EIF3D: variants seen among roughly 807,000 people sequenced by gnomAD.
The protein encoded by EIF3D is eIF3 p66.
EIF3D carries 10 observed loss-of-function variants against 75.4 expected under a neutral mutation model. That is an observed-to-expected ratio of 0.13 (90% CI 0.08 to 0.22). The LOEUF is 0.22. Among genes scored for constraint, EIF3D ranks in the 10% least tolerant of loss-of-function variants. EIF3D has a pLI of 1.00. For synonymous variants in EIF3D, 246 were observed against 248.3 expected, an observed-to-expected ratio of 0.99 and a Z score of 0.09; for missense variants, 394 against 708.0, an observed-to-expected ratio of 0.56 and a Z score of 5.03.
chr22:36,521,201 A>G (rs1035162237), intron 6 of EIF3D, among the ~76,000 whole-genome samples: 2 of 152,178 alleles, frequency 1.3e-5, no homozygotes, highest in African/African-American at 4.8e-5. Flanking sequence ...CTGCGTCTCA[A>G]TAAAAGAGAG....
chr22:36,523,795 A>T, intron 5 of EIF3D, 100 bp downstream of exon 5: 1 of 1,099,710 alleles, frequency 9.1e-7, no homozygotes, highest in East Asian at 2.4e-5. Context: ...CCTTTTTTGC[A>T]GTGGTGGGGA....
chr22:36,524,771 C>T, intron 3 of EIF3D, 39 bp from the exon 4 acceptor site: 1 of 1,613,836 alleles, frequency 6.2e-7, no homozygotes. Context: ...ACTGCACCCA[C>T]AGACTTTACC....
chr22:36,510,863 A>G lies in EIF3D; in HGVS notation c.*124T>C, dbSNP rs970090833. 6 of 1,185,124 alleles carry G rather than the reference A, an allele frequency of 5.1e-6. No homozygotes were observed. The highest frequency in any genetic ancestry group is 2.8e-5 in the Admixed American group (1 of 35,486). The allele number at this position is 1,185,124 out of a possible 1,614,324, so 73.4% of individuals were successfully genotyped here. On this transcript the variant is annotated 3_prime_UTR_variant, in exon 15 of 15. Coordinates refer to ENST00000216190, the MANE Select transcript of EIF3D (RefSeq NM_003753.4). Reference sequence around the variant, plus strand: ...GCAGGCAGACGATGAGGGAAAGACTAAACAGATATATATTTTATTTCATCT... The same window carrying G: ...GCAGGCAGACGATGAGGGAAAGACTGAACAGATATATATTTTATTTCATCT...
At chr22:36,512,824 C>T (rs1176351512) in intron 12 of EIF3D, 6 of 523,414 alleles carry the variant, frequency 1.1e-5, no homozygotes, top group Non-Finnish European at 2.0e-5. Flanking sequence ...TCTAAAAGCT[C>T]GCCTAGACAG....
At chr22:36,526,221 G>A (rs1934596451) in intron 1 of EIF3D, 90 bp from the exon 2 acceptor site, 2 of 1,367,082 alleles carry the variant, frequency 1.5e-6, no homozygotes, top group South Asian at 1.8e-5. Flanking sequence ...AGACATAAAT[G>A]ATAGAACTCA....
chr22:36,520,968 G>C (rs1569000428), intron 6 of EIF3D, among the ~76,000 whole-genome samples: 1 of 152,240 alleles, frequency 6.6e-6, no homozygotes, highest in East Asian at 1.9e-4. Flanking sequence ...GGGAGGCCAA[G>C]GCGGGCAGAT....
intron 2 of EIF3D, 35 bp downstream of exon 2, chr22:36,525,964 T>A (rs966335725): frequency 6.3e-7 from 1 of 1,574,972 alleles, no homozygotes. Flanking sequence ...CAGCCACAGC[T>A]GCAAAGATTC....
chr22:36,514,449 G>C (rs1421785955), intron 12 of EIF3D, among the ~76,000 whole-genome samples: 1 of 152,164 alleles, frequency 6.6e-6, no homozygotes, highest in East Asian at 1.9e-4. Flanking sequence ...CAGATGTAAG[G>C]CCGCAAATCA....
At chr22:36,512,752 T>C (rs2145868421) in intron 12 of EIF3D, 150 bp from the exon 13 acceptor site, 1 of 877,170 alleles carries the variant, frequency 1.1e-6, no homozygotes, top group East Asian at 2.7e-5. Flanking sequence ...GACAAAGACA[T>C]AGTCCCTTCC....
intron 9 of EIF3D, 107 bp from the exon 10 acceptor site, chr22:36,517,538 A>C: frequency 7.5e-7 from 1 of 1,338,464 alleles, no homozygotes; most frequent in Non-Finnish European, 9.8e-7. Flanking sequence ...TCCTTCCTTC[A>C]AAGAACTGCC....
At chr22:36,521,907 C>T (rs948305327) in intron 6 of EIF3D, among the ~76,000 whole-genome samples, 8 of 151,860 alleles carry the variant, frequency 5.3e-5, no homozygotes, top group Non-Finnish European at 8.8e-5. Flanking sequence ...ACTGGCACTG[C>T]AGCTTGGGTG....
In EIF3D at chr22:36,510,959, G is replaced by A; in HGVS notation, c.*28C>T. The A allele has an allele frequency of 6.3e-7, 1 of 1,597,984 alleles. No individual in the cohort carries two copies. ...AAAGGCCCTCGTAGTCTCGGTGGAA[G>A]GACAAACTCCAGCTCCACATCACTG... On this transcript the variant is annotated 3_prime_UTR_variant, in exon 15 of 15. Transcript: ENST00000216190.
At chr22:36,524,511 T>G in intron 4 of EIF3D, 85 bp downstream of exon 4, 8 of 1,578,968 alleles carry the variant, frequency 5.1e-6, no homozygotes, top group South Asian at 4.5e-5. Flanking sequence ...CCTCTCTCAT[T>G]AGGAGTCACA....
At chr22:36,526,533 CTTGT>C (rs1934604169) in intron 1 of EIF3D, among the ~76,000 whole-genome samples, 1 of 151,868 alleles carries the variant, frequency 6.6e-6, no homozygotes, top group South Asian at 2.1e-4. Flanking sequence ...ATATAGTAAC[CTTGT>C]TTTGGTTCTG....
intron 13 of EIF3D, 54 bp downstream of exon 13, chr22:36,512,406 C>T: frequency 1.9e-6 from 3 of 1,607,694 alleles, no homozygotes; most frequent in East Asian, 2.2e-5. Flanking sequence ...AACCTCCCTA[C>T]CCAGACCCTT....
At chr22:36,517,487 C>T (rs767817805) in intron 9 of EIF3D, 56 bp from the exon 10 acceptor site, 64 of 1,556,194 alleles carry the variant, frequency 4.1e-5, no homozygotes, top group Admixed American at 6.1e-5. Flanking sequence ...TGACAATGTG[C>T]GCAGCGCTGT....
chr22:36,512,213 A>G (rs552835858), intron 13 of EIF3D, among the ~76,000 whole-genome samples: 8 of 152,272 alleles, frequency 5.3e-5, no homozygotes, highest in Admixed American at 2.0e-4. Flanking sequence ...TTCAAGGGAA[A>G]GGGAAAACAT....
At chr22:36,519,630 T>A in intron 7 of EIF3D, 93 bp from the exon 8 acceptor site, 1 of 1,555,022 alleles carries the variant, frequency 6.4e-7, no homozygotes, top group Non-Finnish European at 8.7e-7. Flanking sequence ...TATCCAAAAG[T>A]CTAAAAGAGG....
In EIF3D at chr22:36,529,109, G is replaced by C; in HGVS notation, c.-44C>G. The C allele has an allele frequency of 2.5e-6, 1 of 394,930 alleles. No individual in the cohort carries two copies. Among genetic ancestry groups the C allele is most frequent in the East Asian group, 3.6e-5 (1 of 27,906 alleles). The allele number at this position is 394,930 out of a possible 1,614,324, so 24.5% of individuals were successfully genotyped here. On this transcript the variant is annotated 5_prime_UTR_variant, in exon 1 of 15. In the 5' UTR this introduces an upstream ATG that the reference lacks. Transcript: ENST00000216190. ...GCCTCGGCCGGCCGGGATGGCAACA[G>C]ATGGTGCGTGCCGGGGACCGCGTTA...
Sources: gnomAD v4.1 joint callset for allele counts (sites outside exome capture counted in the v4.1 genomes callset) on GRCh38, gnomAD v4.1.1 for gene constraint, MANE v1.5 for transcripts, NCBI Gene and HGNC (gene_info 2026-07-23, HGNC 2026-07-21) for gene names.